SEC63: variants seen among roughly 807,000 people sequenced by gnomAD.
The protein encoded by SEC63 is translocation protein SEC63 homolog.
SEC63 carries 56 observed loss-of-function variants against 116.2 expected under a neutral mutation model. That is an observed-to-expected ratio of 0.48 (90% CI 0.39 to 0.60). SEC63 has a LOEUF of 0.60. Among genes scored for constraint, SEC63 ranks in the 20% least tolerant of loss-of-function variants. The pLI is 0.00. For missense variants in SEC63, 668 were observed against 900.0 expected, an observed-to-expected ratio of 0.74 and a Z score of 3.30; for synonymous variants, 273 against 294.6, an observed-to-expected ratio of 0.93 and a Z score of 0.75.
chr6:107,957,854 C>T (rs1172658112), intron 1 of SEC63, 32 bp downstream of exon 1: 8 of 1,594,302 alleles, frequency 5.0e-6, no homozygotes, highest in South Asian at 1.1e-5. Context: ...GGGGCCTGCG[C>T]GGGTTCGCGG....
chr6:107,952,140 A>G (rs1249535959), intron 1 of SEC63, among the ~76,000 whole-genome samples: 1 of 152,172 alleles, frequency 6.6e-6, no homozygotes, highest in Non-Finnish European at 1.5e-5. Flanking sequence ...AAACCAAGAG[A>G]GTAAAACAAA....
chr6:107,938,909 T>C (rs2114503286), intron 1 of SEC63, among the ~76,000 whole-genome samples: 1 of 152,310 alleles, frequency 6.6e-6, no homozygotes, highest in East Asian at 1.9e-4. Flanking sequence ...CTTAAAATTA[T>C]TTTTTTAATT....
chr6:107,889,925 A>AT (rs1448928933), intron 16 of SEC63, among the ~76,000 whole-genome samples: 3 of 152,146 alleles, frequency 2.0e-5, no homozygotes, highest in Admixed American at 6.5e-5. Flanking sequence ...TTCTAGTTTG[A>AT]TTGCACTGTG....
At chr6:107,880,888 T>G in intron 18 of SEC63, 1 of 406,570 alleles carries the variant, frequency 2.5e-6, no homozygotes, top group Non-Finnish European at 4.5e-6. Context: ...CACATAACAC[T>G]CAGTAATCAG....
At chr6:107,910,146 G>A (rs1259388065) in intron 7 of SEC63, among the ~76,000 whole-genome samples, 1 of 152,086 alleles carries the variant, frequency 6.6e-6, no homozygotes, top group East Asian at 1.9e-4. Flanking sequence ...TGGTAGTGCG[G>A]GAAGACTTTC....
intron 1 of SEC63, among the ~76,000 whole-genome samples, chr6:107,935,042 G>A (rs1222509750): frequency 7.4e-6 from 1 of 134,562 alleles, no homozygotes; most frequent in African/African-American, 2.8e-5. Context: ...GAGGTGAGGG[G>A]CGCCTCTGCC....
chr6:107,898,247 A>AC lies in SEC63; in HGVS notation c.1358-517dup, dbSNP rs1263543839. Among the ~76,000 whole-genome samples, 26 of 97,940 alleles carry AC rather than the reference A, an allele frequency of 2.7e-4. No individual in the cohort carries two copies. In the East Asian group the frequency reaches 3.2e-3, roughly 12 times the overall value. The allele number at this position is 97,940 out of a possible 152,430, so 64.3% of individuals were successfully genotyped here. ...CACTGCACTTCAGGGCAAGAGTGAG[A>AC]CCCCATCTCAAAAAAAAAAAAAAAG... On this transcript the variant is annotated intron_variant, in intron 13 of 20. Coordinates refer to ENST00000369002, the MANE Select transcript of SEC63 (RefSeq NM_007214.5).
intron 3 of SEC63, 23 bp from the exon 4 acceptor site, chr6:107,921,932 A>C (rs774115686): frequency 7.8e-6 from 9 of 1,153,258 alleles, no homozygotes; most frequent in Non-Finnish European, 1.2e-5. Flanking sequence ...AAAAAAAAAA[A>C]ACAAGCTTTC....
intron 14 of SEC63, among the ~76,000 whole-genome samples, chr6:107,894,494 C>T (rs151320407): frequency 1.1e-5 from 1 of 87,072 alleles, no homozygotes. Context: ...GGCAACAGAG[C>T]GAGACCCCAT....
In SEC63 at chr6:107,935,418, G is replaced by A. The variant is rs981591132; in HGVS notation, c.125-5904C>T. Reference sequence around the variant, plus strand: ...TGTCTGTGTAGAAAGAAGTAGACATGGGAGACTTTTCATTTTGTTCTGTAC... The same window carrying A: ...TGTCTGTGTAGAAAGAAGTAGACATAGGAGACTTTTCATTTTGTTCTGTAC... On this transcript the variant is annotated intron_variant, in intron 1 of 20. Transcript: ENST00000369002. 3.4e-3 allele frequency among the ~76,000 whole-genome samples: 509 copies of A among 151,220 alleles called. 3 individuals carry two copies. Among genetic ancestry groups the A allele is most frequent in the African/African-American group, 0.012 (489 of 41,114 alleles).
At chr6:107,953,928 G>A (rs1308814728) in intron 1 of SEC63, among the ~76,000 whole-genome samples, 2 of 151,990 alleles carry the variant, frequency 1.3e-5, no homozygotes, top group Admixed American at 6.6e-5. Flanking sequence ...GGGACGTGAG[G>A]AGCCCCTCTG....
intron 8 of SEC63, among the ~76,000 whole-genome samples, chr6:107,907,105 A>G (rs1289005151): frequency 6.6e-6 from 1 of 152,214 alleles, no homozygotes; most frequent in African/African-American, 2.4e-5. Flanking sequence ...TTAATAATTC[A>G]CGTGAAAAAA....
chr6:107,893,364 T>C, intron 16 of SEC63, 118 bp downstream of exon 16: 1 of 940,086 alleles, frequency 1.1e-6, no homozygotes, highest in East Asian at 2.6e-5. Flanking sequence ...GGGAGCTTTC[T>C]AGGGTATCAC....
chr6:107,942,385 T>C (rs1461246271), intron 1 of SEC63, among the ~76,000 whole-genome samples: 1 of 152,206 alleles, frequency 6.6e-6, no homozygotes, highest in East Asian at 1.9e-4. Flanking sequence ...ACCCACAGTG[T>C]TCACCCCTCC....
rs532720694 is a variant in SEC63, at chr6:107,950,597, A to G, written c.124+7289T>C. ...ACCGTAACAGATGAGTATGACCAAT[A>G]AAGATGAGTATACTGAGATACACAG... On this transcript the variant is annotated intron_variant, in intron 1 of 20. Coordinates refer to ENST00000369002, the MANE Select transcript of SEC63 (RefSeq NM_007214.5). Among the ~76,000 whole-genome samples, 231 of 152,350 alleles carry G rather than the reference A, an allele frequency of 1.5e-3. 1 individual carries two copies. The highest frequency in any genetic ancestry group is 5.5e-3 in the African/African-American group (228 of 41,584).
At chr6:107,921,351 G>C (rs1787551777) in intron 4 of SEC63, among the ~76,000 whole-genome samples, 2 of 152,046 alleles carry the variant, frequency 1.3e-5, no homozygotes, top group Admixed American at 1.3e-4. Context: ...TACCACGTTA[G>C]TGCTGCTGTG....
At position 107,893,902 on chromosome 6, in the gene SEC63, G is replaced by A. The variant is rs370312823; in HGVS notation, c.1441-5C>T. On this transcript the variant is annotated splice_polypyrimidine_tract_variant and splice_region_variant and intron_variant, in intron 14 of 20. Coordinates refer to ENST00000369002, the MANE Select transcript of SEC63 (RefSeq NM_007214.5). ...CTGCTCCTTTTCAAATACTTCCTGG[G>A]GGGCGGCAAGAAGAGAAATACAAAA... 4.3e-5 allele frequency: 70 copies of A among 1,613,830 alleles called. 1 individual carries two copies. Among genetic ancestry groups the A allele is most frequent in the East Asian group, 3.8e-4 (17 of 44,864 alleles).
At chr6:107,905,172 G>A (rs777803983) in intron 10 of SEC63, among the ~76,000 whole-genome samples, 1 of 152,186 alleles carries the variant, frequency 6.6e-6, no homozygotes, top group African/African-American at 2.4e-5. Context: ...TAACTATTAA[G>A]ACCACATTAA....
At chr6:107,897,145 C>T (rs534754054) in intron 14 of SEC63, among the ~76,000 whole-genome samples, 2 of 152,096 alleles carry the variant, frequency 1.3e-5, no homozygotes, top group Non-Finnish European at 2.9e-5. Flanking sequence ...AGCCTCAAAA[C>T]GAATCATCTC....
Sources: gnomAD v4.1 joint callset for allele counts (sites outside exome capture counted in the v4.1 genomes callset) on GRCh38, gnomAD v4.1.1 for gene constraint, MANE v1.5 for transcripts, NCBI Gene and HGNC (gene_info 2026-07-23, HGNC 2026-07-21) for gene names.